Variants in SLC15A1 observed in about 807,000 individuals in gnomAD.
The protein encoded by SLC15A1 is solute carrier family 15 member 1.
SLC15A1 carries 83 observed loss-of-function variants against 92.9 expected under a neutral mutation model. That is an observed-to-expected ratio of 0.89 (90% CI 0.75 to 1.07). SLC15A1 has a LOEUF of 1.07. Among genes scored for constraint, SLC15A1 ranks in the 50% least tolerant of loss-of-function variants. The pLI, the probability that SLC15A1 is intolerant of heterozygous loss-of-function variation, is 0.00. For missense variants in SLC15A1, 857 were observed against 880.1 expected (o/e 0.97, Z 0.33); for synonymous variants, 322 against 318.2 (o/e 1.01, Z -0.13).
intron 11 of SLC15A1, 56 bp downstream of exon 11, chr13:98,711,798 A>C: frequency 1.6e-6 from 2 of 1,270,476 alleles, no homozygotes; most frequent in Non-Finnish European, 2.3e-6. Context: ...GGTACCTGGC[A>C]GTGCGGGATG....
chr13:98,721,184 G>C, intron 7 of SLC15A1: 1 of 551,462 alleles, frequency 1.8e-6, no homozygotes, highest in East Asian at 4.8e-5. Context: ...GGCTTCCAAG[G>C]CACCTCTCTT....
intron 4 of SLC15A1, among the ~76,000 whole-genome samples, chr13:98,724,542 G>A (rs1267896719): frequency 1.3e-5 from 2 of 152,178 alleles, no homozygotes; most frequent in Admixed American, 1.3e-4. Flanking sequence ...AGAGGGCCAG[G>A]AGAGGGGAAA....
At chr13:98,697,784 G>C (rs981485775) in intron 18 of SLC15A1, among the ~76,000 whole-genome samples, 2 of 152,128 alleles carry the variant, frequency 1.3e-5, no homozygotes, top group African/African-American at 4.8e-5. Flanking sequence ...GCCATACGCT[G>C]CCGCAAAAGT....
At chr13:98,743,357 AC>A (rs1485493831) in intron 1 of SLC15A1, among the ~76,000 whole-genome samples, 3 of 152,216 alleles carry the variant, frequency 2.0e-5, no homozygotes, top group African/African-American at 7.2e-5. Flanking sequence ...GCCTGAAATG[AC>A]CAACCTCTCG....
intron 1 of SLC15A1, among the ~76,000 whole-genome samples, chr13:98,739,484 T>A (rs1032017513): frequency 2.6e-5 from 4 of 152,124 alleles, no homozygotes; most frequent in African/African-American, 9.7e-5. Flanking sequence ...CATGAATGGT[T>A]TAGCACCCTC....
chr13:98,737,302 T>C (rs529649451), intron 1 of SLC15A1, among the ~76,000 whole-genome samples: 3 of 152,180 alleles, frequency 2.0e-5, no homozygotes, highest in African/African-American at 7.2e-5. Flanking sequence ...ATGAGAACAC[T>C]TGGACACAGG....
chr13:98,709,614 G>A lies in SLC15A1; in HGVS notation c.1025C>T (p.Ala342Val), dbSNP rs1235684178. ...LIVIMVPIFDAVLYPLIAKCG... is the reference protein window; with the variant it reads ...LIVIMVPIFDVVLYPLIAKCG... ...TTTTGCAATGAGAGGGTACAGCACA[G>A]CATCGAAGATCGGGACCATGATCAC... The change falls in exon 14 of 23, where the codon GCT becomes GTT. Residue 342 changes from alanine to valine, a missense_variant. Ala to Val is a moderately conservative substitution (Grantham distance 64, BLOSUM62 0). Transcript: ENST00000376503. 6.2e-7 allele frequency: 1 copy of A among 1,614,196 alleles called. No homozygotes were observed.
intron 18 of SLC15A1, among the ~76,000 whole-genome samples, chr13:98,695,014 C>G (rs1193328956): frequency 2.7e-5 from 3 of 109,816 alleles, no homozygotes; most frequent in East Asian, 2.2e-4. Context: ...GAGTGAGACT[C>G]CGTCTCAAAA....
chr13:98,690,375 A>C (rs1360210267), intron 18 of SLC15A1, among the ~76,000 whole-genome samples: 1 of 152,178 alleles, frequency 6.6e-6, no homozygotes, highest in Non-Finnish European at 1.5e-5. Context: ...ACAGATCCAC[A>C]CGGGCCTTAG....
chr13:98,720,918 G>T, intron 7 of SLC15A1: 1 of 352,336 alleles, frequency 2.8e-6, no homozygotes, highest in South Asian at 2.2e-5. Context: ...CGGGCATGGT[G>T]GCAGGCGCCT....
At chr13:98,687,745 C>G in intron 20 of SLC15A1, 21 bp from the exon 21 acceptor site, 1 of 1,607,430 alleles carries the variant, frequency 6.2e-7, no homozygotes, top group South Asian at 1.1e-5. Context: ...AAGGCAAAAG[C>G]AGAAGAAGTT....
chr13:98,688,343 T>C lies in SLC15A1; in HGVS notation c.1588A>G (p.Ile530Val), dbSNP rs1416955419. The C allele has an allele frequency of 6.2e-7, 1 of 1,613,520 alleles. No individual in the cohort carries two copies. Among genetic ancestry groups the C allele is most frequent in the African/African-American group, 1.3e-5 (1 of 75,040 alleles). ...TGTGGCGGAATCTCTGTTGAGCTTA[T>C]TGTGAAGCCTTTTCTATCAAAATAA... ...FFPSGIKGFT[I>V]SSTEIPPQCQ... Residue 530 changes from isoleucine (I) to valine (V), a missense_variant, in exon 20 of 23, where the codon ATA becomes GTA. Physicochemically the swap from Ile to Val is conservative, Grantham distance 29. Coordinates refer to ENST00000376503, the MANE Select transcript of SLC15A1 (RefSeq NM_005073.4).
chr13:98,735,607 A>T (rs2088386841), intron 1 of SLC15A1, among the ~76,000 whole-genome samples: 1 of 152,258 alleles, frequency 6.6e-6, no homozygotes, highest in South Asian at 2.1e-4. Flanking sequence ...GTCTCAGCCC[A>T]AAATCTCCTT....
intron 18 of SLC15A1, among the ~76,000 whole-genome samples, chr13:98,694,623 T>C (rs1298447157): frequency 2.6e-5 from 4 of 152,312 alleles, no homozygotes; most frequent in Non-Finnish European, 5.9e-5. Flanking sequence ...AATTTTGGCA[T>C]TGTTTGGCAA....
rs769498552 is a variant in SLC15A1 at position 98,715,896 on chromosome 13, T to C, written c.705A>G (p.Lys235=). 6.2e-7 allele frequency: 1 copy of C among 1,614,144 alleles called. No individual in the cohort carries two copies. Among genetic ancestry groups the C allele is most frequent in the South Asian group, 1.1e-5 (1 of 91,082 alleles). ...TACTTACACCGATGCACTTGGCCAC[T>C]TTACCCATGATGTTGCCCTGTGGCT... The part of the protein sequence containing the change: ...KFKPQGNIMG[K]VAKCIGFAIK... The change falls in exon 9 of 23, where the codon AAA becomes AAG. Residue 235 remains lysine (K), a synonymous_variant. Transcript: ENST00000376503.
chr13:98,687,418 GACA>G (rs772436005), intron 21 of SLC15A1, among the ~76,000 whole-genome samples, 160 bp downstream of exon 21: 149 of 152,270 alleles, frequency 9.8e-4, no homozygotes, highest in Non-Finnish European at 1.4e-3. Context: ...ATTCACTAAG[GACA>G]ACACTTGGTG....
At chr13:98,718,935 G>C (rs913450028) in intron 8 of SLC15A1, among the ~76,000 whole-genome samples, 2 of 152,178 alleles carry the variant, frequency 1.3e-5, no homozygotes, top group Admixed American at 6.5e-5. Flanking sequence ...TTACGGGCAT[G>C]AGTGACCATG....
At chr13:98,740,505 T>C (rs2088435645) in intron 1 of SLC15A1, among the ~76,000 whole-genome samples, 1 of 152,104 alleles carries the variant, frequency 6.6e-6, no homozygotes, top group African/African-American at 2.4e-5. Flanking sequence ...TCGTTTTCTG[T>C]CTCCACTTGG....
chr13:98,690,266 G>A (rs942820943), intron 18 of SLC15A1, among the ~76,000 whole-genome samples: 1 of 152,184 alleles, frequency 6.6e-6, no homozygotes, highest in Non-Finnish European at 1.5e-5. Flanking sequence ...TTTAGGTGCT[G>A]GGAGAAAATG....
Sources: allele counts gnomAD v4.1 joint callset (sites outside exome capture counted in the v4.1 genomes callset), GRCh38; gene constraint gnomAD v4.1.1; transcripts MANE v1.5; gene names NCBI Gene and HGNC (gene_info 2026-07-23, HGNC 2026-07-21).